The following AP2B1 variants were observed in gnomAD, a reference collection of about 807,000 sequenced individuals.
The protein encoded by AP2B1 is AP-2 complex subunit beta.
In AP2B1, 23 loss-of-function variants were observed where a neutral mutation model predicts 102.0. The observed-to-expected ratio is 0.23, with a 90% CI of 0.16 to 0.32. The LOEUF (loss-of-function observed/expected upper bound fraction) is 0.32, where lower values mean the gene tolerates loss of function less well. AP2B1 is among the 10% of genes least tolerant of loss of function. The pLI, the probability that AP2B1 is intolerant of heterozygous loss-of-function variation, is 1.00. For synonymous variants in AP2B1, 381 were observed against 421.2 expected, an observed-to-expected ratio of 0.90 and a Z score of 1.17; for missense variants, 541 against 1,157.4, an observed-to-expected ratio of 0.47 and a Z score of 7.73.
At position 35,724,486 on chromosome 17, in the gene AP2B1, A is replaced by C. The variant is rs1434126236; in HGVS notation, c.*787A>C. ...CTTACTCCTTTCCTTTCCCCTGAACAAACCTGCTAATCCCACTAATTCAGG... is the reference window on the plus strand; with the variant it reads ...CTTACTCCTTTCCTTTCCCCTGAACCAACCTGCTAATCCCACTAATTCAGG... On this transcript the variant is annotated 3_prime_UTR_variant, in exon 22 of 22. Transcript: ENST00000610402. 1.3e-5 allele frequency: 2 copies of C among 152,302 alleles called. No individual in the cohort carries two copies. Among genetic ancestry groups the C allele is most frequent in the African/African-American group, 2.4e-5 (1 of 41,564 alleles). 9.4% of individuals were successfully genotyped at this position (152,302 alleles called of 1,614,324 possible). A position where few individuals can be genotyped will look rare whatever the true frequency, so the allele number is the denominator to read the frequency against.
intron 3 of AP2B1, among the ~76,000 whole-genome samples, chr17:35,599,024 G>A (rs2073386960): frequency 6.6e-6 from 1 of 152,200 alleles, no homozygotes; most frequent in South Asian, 2.1e-4. Context: ...AACCATAATG[G>A]TAGTCATTGT....
chr17:35,621,330 G>C (rs2074170682), intron 5 of AP2B1: 1 of 985,276 alleles, frequency 1.0e-6, no homozygotes, highest in Non-Finnish European at 1.2e-6. Flanking sequence ...GAGAAACTCG[G>C]CTTACGGACC....
chr17:35,605,765 T>A lies in AP2B1; in HGVS notation c.204T>A (p.Leu68=), dbSNP rs939088884. The change falls in exon 4 of 22, where the codon CTT becomes CTA. Residue 68 remains leucine (L), a synonymous_variant. Transcript: ENST00000610402. The part of the protein sequence containing the change: ...MQTDNLELKK[L]VYLYLMNYAK... ...CTGACAATCTGGAACTAAAGAAGCT[T>A]GTGTATCTCTACTTGATGAACTACG... is the stretch of plus-strand genomic sequence containing the variant. 1.1e-5 allele frequency: 17 copies of A among 1,614,196 alleles called. No homozygotes were observed. Among genetic ancestry groups the A allele is most frequent in the Non-Finnish European group, 1.4e-5 (17 of 1,180,008 alleles).
chr17:35,616,534 G>C (rs1208876146), intron 5 of AP2B1, among the ~76,000 whole-genome samples: 2 of 152,240 alleles, frequency 1.3e-5, no homozygotes, highest in East Asian at 3.9e-4. Flanking sequence ...AGTACAGAAA[G>C]TTTTCATATA....
chr17:35,634,231 C>T (rs558724899), intron 9 of AP2B1, among the ~76,000 whole-genome samples: 65 of 152,308 alleles, frequency 4.3e-4, no homozygotes, highest in Middle Eastern at 3.4e-3. Flanking sequence ...GAAACTAGGT[C>T]ATTAGGCTTA....
intron 5 of AP2B1, among the ~76,000 whole-genome samples, chr17:35,616,733 A>G (rs1302210640): frequency 1.1e-4 from 16 of 151,866 alleles, no homozygotes; most frequent in Non-Finnish European, 4.4e-5. Flanking sequence ...TTCCTTTTAT[A>G]ATGCATCAGT....
At chr17:35,711,950 T>C (rs1199736013) in intron 20 of AP2B1, among the ~76,000 whole-genome samples, 1 of 152,198 alleles carries the variant, frequency 6.6e-6, no homozygotes, top group Non-Finnish European at 1.5e-5. Flanking sequence ...GAAGCCCTCC[T>C]GGAACCCTCA....
chr17:35,629,473 A>G (rs1348048551), intron 9 of AP2B1, among the ~76,000 whole-genome samples: 1 of 151,618 alleles, frequency 6.6e-6, no homozygotes, highest in African/African-American at 2.4e-5. Flanking sequence ...TTATTGGTAT[A>G]TTTTTCCTTG....
At chr17:35,659,384 C>T (rs2075307779) in intron 14 of AP2B1, among the ~76,000 whole-genome samples, 1 of 152,162 alleles carries the variant, frequency 6.6e-6, no homozygotes, top group South Asian at 2.1e-4. Context: ...CTGCTTGACC[C>T]ACTATAAACA....
chr17:35,717,154 A>C (rs1555590304), intron 20 of AP2B1, 41 bp from the exon 21 acceptor site: 5 of 1,606,548 alleles, frequency 3.1e-6, no homozygotes, highest in Non-Finnish European at 4.3e-6. Context: ...TTTGTTTGAG[A>C]TTTTAACTGA....
intron 15 of AP2B1, among the ~76,000 whole-genome samples, chr17:35,671,204 G>C (rs565980188): frequency 3.3e-5 from 5 of 152,222 alleles, no homozygotes; most frequent in African/African-American, 1.2e-4. Context: ...TTATTCCCTG[G>C]TGTCACCTAG....
chr17:35,665,151 G>T, intron 14 of AP2B1, among the ~76,000 whole-genome samples: 2 of 115,922 alleles, frequency 1.7e-5, no homozygotes, highest in Non-Finnish European at 3.3e-5. Flanking sequence ...TTTTGAGACA[G>T]GATCTCACTC....
In AP2B1 at chr17:35,709,423, A is replaced by G. The variant is rs1432843085; in HGVS notation, c.2539+115A>G. On this transcript the variant is annotated intron_variant, in intron 19 of 21. Transcript: ENST00000610402. ...TTTGAGGTTAAAAAAAAATGGGTTAAGGATATTCTAAAGCTCTTAATAATT... is the reference window on the plus strand; with the variant it reads ...TTTGAGGTTAAAAAAAAATGGGTTAGGGATATTCTAAAGCTCTTAATAATT... The G allele has an allele frequency of 8.8e-6, 7 of 797,088 alleles. No homozygotes were observed. In the Admixed American group the frequency reaches 1.5e-4, roughly 17 times the overall value. 49.4% of individuals were successfully genotyped at this position (797,088 alleles called of 1,614,324 possible). A position where few individuals can be genotyped will look rare whatever the true frequency, so the allele number is the denominator to read the frequency against.
At chr17:35,710,505 T>G (rs2076424411) in intron 20 of AP2B1, among the ~76,000 whole-genome samples, 185 bp downstream of exon 20, 1 of 152,188 alleles carries the variant, frequency 6.6e-6, no homozygotes, top group African/African-American at 2.4e-5. Flanking sequence ...TTGATGTAGG[T>G]ACTAGATTAC....
chr17:35,617,963 T>C (rs2074070783), intron 5 of AP2B1, among the ~76,000 whole-genome samples: 1 of 152,146 alleles, frequency 6.6e-6, no homozygotes, highest in Non-Finnish European at 1.5e-5. Context: ...ACTTAAGTAA[T>C]GAATTTTATT....
intron 20 of AP2B1, among the ~76,000 whole-genome samples, chr17:35,710,855 G>C (rs969956270): frequency 6.6e-6 from 1 of 152,086 alleles, no homozygotes; most frequent in Admixed American, 6.5e-5. Context: ...AGGATCTCTT[G>C]AGTCCAGTTC....
At chr17:35,651,989 T>C (rs1430953145) in intron 13 of AP2B1, among the ~76,000 whole-genome samples, 5 of 152,208 alleles carry the variant, frequency 3.3e-5, no homozygotes, top group Non-Finnish European at 7.4e-5. Flanking sequence ...TGTAACCGTG[T>C]TTGTATCTAG....
At chr17:35,616,338 T>G (rs1157668168) in intron 5 of AP2B1, among the ~76,000 whole-genome samples, 1 of 151,860 alleles carries the variant, frequency 6.6e-6, no homozygotes, top group Non-Finnish European at 1.5e-5. Flanking sequence ...CTAATTTTTT[T>G]TGTATTTTTA....
At chr17:35,670,966 C>T (rs1172100276) in intron 15 of AP2B1, 68 bp downstream of exon 15, 1 of 1,508,300 alleles carries the variant, frequency 6.6e-7, no homozygotes, top group African/African-American at 1.4e-5. Context: ...CCTATGTACA[C>T]ATTATCAGAC....
Sources: allele counts gnomAD v4.1 joint callset (sites outside exome capture counted in the v4.1 genomes callset), GRCh38; gene constraint gnomAD v4.1.1; transcripts MANE v1.5; gene names NCBI Gene and HGNC (gene_info 2026-07-23, HGNC 2026-07-21).